Variants in NLGN4X observed in about 807,000 individuals in gnomAD.
NLGN4X encodes neuroligin-4, X-linked.
Under a neutral mutation model 40.3 loss-of-function variants are expected in NLGN4X, and 3 were observed. The ratio of observed to expected loss-of-function variants is 0.07; its 90% confidence interval spans 0.03 to 0.19. The LOEUF (loss-of-function observed/expected upper bound fraction) is 0.19, where lower values mean the gene tolerates loss of function less well. Among genes scored for constraint, NLGN4X ranks in the 10% least tolerant of loss-of-function variants. The pLI, the probability that NLGN4X is intolerant of heterozygous loss-of-function variation, is 1.00. For synonymous variants in NLGN4X, 270 were observed against 306.8 expected, an observed-to-expected ratio of 0.88 and a Z score of 1.25; for missense variants, 382 against 708.3, an observed-to-expected ratio of 0.54 and a Z score of 5.23.
intron 2 of NLGN4X, among the ~76,000 whole-genome samples, chrX:6,037,185 A>G (rs1030786569): frequency 2.7e-5 from 3 of 110,329 alleles, no homozygotes; most frequent in African/African-American, 9.9e-5. Flanking sequence ...GCATGCCTGT[A>G]GTCCCAGCTA....
intron 2 of NLGN4X, among the ~76,000 whole-genome samples, chrX:6,130,349 C>T (rs954429531): frequency 3.6e-5 from 4 of 111,946 alleles, no homozygotes; most frequent in African/African-American, 1.3e-4. Flanking sequence ...AATGTAAATA[C>T]AGTTACTGTT....
chrX:6,065,011 A>G (rs1394603294), intron 2 of NLGN4X, among the ~76,000 whole-genome samples: 1 of 111,825 alleles, frequency 8.9e-6, no homozygotes, highest in Non-Finnish European at 1.9e-5. Context: ...CTAATGCAGA[A>G]ACAGAAAAGC....
chrX:6,197,357 G>GCTCAAGCA (rs772376575), intron 1 of NLGN4X, among the ~76,000 whole-genome samples: 1 of 110,065 alleles, frequency 9.1e-6, no homozygotes, highest in Non-Finnish European at 1.9e-5. Flanking sequence ...AACCTCCCAG[G>GCTCAAGCA]CTCAAGCAAT....
At chrX:6,018,258 G>A (rs1043319522) in intron 3 of NLGN4X, among the ~76,000 whole-genome samples, 3 of 111,249 alleles carry the variant, frequency 2.7e-5, no homozygotes, top group African/African-American at 9.8e-5. Flanking sequence ...GTATATATAT[G>A]TTTACCACCA....
At chrX:6,073,814 G>A (rs2038127847) in intron 2 of NLGN4X, among the ~76,000 whole-genome samples, 1 of 110,982 alleles carries the variant, frequency 9.0e-6, no homozygotes, top group Non-Finnish European at 1.9e-5. Context: ...TTTATGTCAT[G>A]TTCATTTGGC....
chrX:5,893,308 G>A lies in NLGN4X; in HGVS notation c.1960C>T (p.His654Tyr), dbSNP rs932740999. The change falls in exon 6 of 6, where the codon CAC becomes TAC. Residue 654 changes from histidine (H) to tyrosine (Y), a missense_variant. Transcript: ENST00000381095. ...GTTGTGTCCTCAGGCCCTGTTTTGT[G>A]AGGGTCCTTAGAGTGTTTGGGATTG... ...ANNPKHSKDP[H>Y]KTGPEDTTVL... 2.5e-6 allele frequency: 3 copies of A among 1,208,708 alleles called. No individual in the cohort carries two copies. The highest frequency in any genetic ancestry group is 3.4e-6 in the Non-Finnish European group (3 of 894,969).
intron 2 of NLGN4X, among the ~76,000 whole-genome samples, chrX:6,038,832 G>C (rs992596683): frequency 8.9e-5 from 10 of 111,966 alleles, no homozygotes; most frequent in Non-Finnish European, 1.9e-4. Context: ...ATCCTTTTGT[G>C]ATGTGGGAAG....
chrX:6,179,924 C>A (rs945894420), intron 1 of NLGN4X, among the ~76,000 whole-genome samples: 2 of 111,771 alleles, frequency 1.8e-5, no homozygotes, highest in African/African-American at 6.5e-5. Context: ...TCCTTCGTAT[C>A]TTCTAATGAT....
intron 2 of NLGN4X, among the ~76,000 whole-genome samples, chrX:6,110,447 C>T (rs1268153903): frequency 1.8e-5 from 2 of 112,131 alleles, no homozygotes. Flanking sequence ...GTGCATCCCT[C>T]CTTGACTGGG....
intron 3 of NLGN4X, among the ~76,000 whole-genome samples, chrX:6,008,782 A>G (rs1018666914): frequency 9.8e-5 from 11 of 111,844 alleles, no homozygotes; most frequent in Non-Finnish European, 1.9e-4. Flanking sequence ...CCCACCATCT[A>G]TCTTCAGAAC....
At chrX:5,941,567 G>A (rs1174670145) in intron 3 of NLGN4X, among the ~76,000 whole-genome samples, 1 of 112,291 alleles carries the variant, frequency 8.9e-6, no homozygotes, top group Non-Finnish European at 1.9e-5. Flanking sequence ...TTGTAGCTAA[G>A]AACACAGATT....
chrX:6,016,409 CA>C (rs755824222), intron 3 of NLGN4X, among the ~76,000 whole-genome samples: 1 of 111,526 alleles, frequency 9.0e-6, no homozygotes, highest in Non-Finnish European at 1.9e-5. Context: ...AATAAACCCC[CA>C]AACATGATAT....
At chrX:6,221,676 A>G (rs1452995772) in intron 1 of NLGN4X, among the ~76,000 whole-genome samples, 1 of 109,928 alleles carries the variant, frequency 9.1e-6, no homozygotes, top group Non-Finnish European at 1.9e-5. Context: ...TAACCCATTC[A>G]CAGAGTTATA....
chrX:5,922,963 G>GAT (rs2033133176), intron 3 of NLGN4X, among the ~76,000 whole-genome samples: 1 of 111,782 alleles, frequency 8.9e-6, no homozygotes, highest in African/African-American at 3.2e-5. Flanking sequence ...TTGTGTGTGG[G>GAT]ATAAGTTTGC....
intron 4 of NLGN4X, among the ~76,000 whole-genome samples, chrX:5,907,262 C>T (rs1277670655): frequency 8.9e-6 from 1 of 111,816 alleles, no homozygotes. Context: ...TGCAGATTTT[C>T]CTGCCTCTTC....
intron 2 of NLGN4X, among the ~76,000 whole-genome samples, chrX:6,043,163 A>C (rs903461759): frequency 2.3e-4 from 25 of 107,356 alleles, no homozygotes; most frequent in African/African-American, 8.5e-4. Flanking sequence ...ACACACAAAC[A>C]CACGTATATA....
intron 1 of NLGN4X, among the ~76,000 whole-genome samples, chrX:6,226,115 C>A (rs1479064367): frequency 9.7e-6 from 1 of 103,393 alleles, no homozygotes; most frequent in Non-Finnish European, 2.0e-5. Flanking sequence ...GAATTCGTGA[C>A]GCGCGCGCCC....
chrX:6,210,066 C>T (rs1444979137), intron 1 of NLGN4X, among the ~76,000 whole-genome samples: 2 of 111,121 alleles, frequency 1.8e-5, no homozygotes, highest in African/African-American at 6.5e-5. Context: ...GTTGTCGAAG[C>T]TCGTCTTGAA....
At chrX:6,166,721 A>C (rs951452996) in intron 1 of NLGN4X, among the ~76,000 whole-genome samples, 16 of 110,475 alleles carry the variant, frequency 1.4e-4, no homozygotes, top group African/African-American at 5.3e-4. Context: ...GCTATCTCAT[A>C]CGAGTCTTAT....
Sources: gnomAD v4.1 joint callset for allele counts (sites outside exome capture counted in the v4.1 genomes callset) on GRCh38, gnomAD v4.1.1 for gene constraint, MANE v1.5 for transcripts, NCBI Gene and HGNC (gene_info 2026-07-23, HGNC 2026-07-21) for gene names.